LDLRAD2: variants seen among roughly 807,000 people sequenced by gnomAD.
LDLRAD2 encodes low density lipoprotein receptor class A domain containing 2.
Under a neutral mutation model 24.9 loss-of-function variants are expected in LDLRAD2, and 25 were observed. The observed-to-expected ratio is 1.00, with a 90% CI of 0.73 to 1.40. The LOEUF (loss-of-function observed/expected upper bound fraction) is 1.40, where lower values mean the gene tolerates loss of function less well. Ranked by LOEUF, LDLRAD2 falls within the 40% of genes most tolerant of loss-of-function variation. The pLI is 0.00. For synonymous variants in LDLRAD2, 182 were observed against 166.7 expected (o/e 1.09, Z -0.71); for missense variants, 391 against 366.2 (o/e 1.07, Z -0.55).
Position 21,821,613 on chromosome 1 carries a change from T to G in LDLRAD2, c.805+2T>G. 1.9e-6 allele frequency: 3 copies of G among 1,613,162 alleles called. No individual in the cohort carries two copies. Among genetic ancestry groups the G allele is most frequent in the Non-Finnish European group, 2.5e-6 (3 of 1,179,452 alleles). ...CGAGACAAGACGCAGCTTTGGAAGGTTACACCTTGCTCCTACTCTTCCCAC... is the reference window on the plus strand; with the variant it reads ...CGAGACAAGACGCAGCTTTGGAAGGGTACACCTTGCTCCTACTCTTCCCAC... On this transcript the variant is annotated splice_donor_variant, in intron 4 of 4. Coordinates refer to ENST00000344642, the MANE Select transcript of LDLRAD2 (RefSeq NM_001013693.3). LOFTEE classifies it high-confidence loss of function.
rs3736359 is a variant in LDLRAD2, at chr1:21,823,663, G to C, written c.*1448G>C. 1.1e-5 allele frequency: 17 copies of C among 1,613,648 alleles called. No individual in the cohort carries two copies. The East Asian group carries it at 3.8e-4, about 36-fold the overall frequency. ...GTTGACTGCCACGTTGGGACCTGGG[G>C]ACCGGCCGCTGACCAGCTCCTCACC... On this transcript the variant is annotated 3_prime_UTR_variant, in exon 5 of 5. Transcript: ENST00000344642.
In LDLRAD2 at chr1:21,823,553, C is replaced by T. The variant is rs924145474; in HGVS notation, c.*1338C>T. 20 of 1,609,452 alleles carry T rather than the reference C, an allele frequency of 1.2e-5. No individual in the cohort carries two copies. Among genetic ancestry groups the T allele is most frequent in the African/African-American group, 5.3e-5 (4 of 74,864 alleles). ...AGCCCAGGAGGCGAGGAAGGCTGGG[C>T]GAGCTCTAGCCCTAAGGGAGTGCCG... On this transcript the variant is annotated 3_prime_UTR_variant, in exon 5 of 5. Transcript: ENST00000344642.
chr1:21,814,371 C>G, intron 1 of LDLRAD2, 27 bp from the exon 2 acceptor site: 2 of 1,552,300 alleles, frequency 1.3e-6, no homozygotes. Context: ...CGCCGCGCGG[C>G]TCCAGTTTCC....
Position 21,823,893 on chromosome 1 carries a change from C to T in LDLRAD2, c.*1678C>T. 1 of 728,048 alleles carries T rather than the reference C, an allele frequency of 1.4e-6. No homozygotes were observed. Among genetic ancestry groups the T allele is most frequent in the South Asian group, 1.6e-5 (1 of 63,072 alleles). 45.1% of individuals were successfully genotyped at this position (728,048 alleles called of 1,614,324 possible). A position where few individuals can be genotyped will look rare whatever the true frequency, so the allele number is the denominator to read the frequency against. On this transcript the variant is annotated 3_prime_UTR_variant, in exon 5 of 5. Transcript: ENST00000344642. ...GATCGGGCCCCACAAACACAGCTTC[C>T]TCATTTCTGCACCCAGGTTTCCTCC...
At chr1:21,812,606 TC>T in intron 1 of LDLRAD2, 70 bp downstream of exon 1, 2 of 1,312,578 alleles carry the variant, frequency 1.5e-6, no homozygotes, top group Non-Finnish European at 2.2e-6. Flanking sequence ...AGACTATGTT[TC>T]CCCAGTCAGC....
chr1:21,823,358 G>A lies in LDLRAD2; in HGVS notation c.*1143G>A. 6.5e-7 allele frequency: 1 copy of A among 1,546,152 alleles called. No individual in the cohort carries two copies. The highest frequency in any genetic ancestry group is 8.7e-7 in the Non-Finnish European group (1 of 1,149,654). ...GTGTGTTGGCCCCGGCCTGGGCGCG[G>A]TGCTGCAGGTCCAGGGGCTGTGGGG... On this transcript the variant is annotated 3_prime_UTR_variant, in exon 5 of 5. Transcript: ENST00000344642.
chr1:21,817,656 A>G (rs998166174), intron 3 of LDLRAD2, among the ~76,000 whole-genome samples: 8 of 152,144 alleles, frequency 5.3e-5, no homozygotes, highest in African/African-American at 1.9e-4. Context: ...TTACAAAAAA[A>G]TTGAGAAGAT....
chr1:21,814,706 G>A lies in LDLRAD2; in HGVS notation c.394G>A (p.Gly132Ser). The change falls in exon 2 of 5, where the codon GGC becomes AGC. Residue 132 changes from glycine to serine, a missense_variant. Coordinates refer to ENST00000344642, the MANE Select transcript of LDLRAD2 (RefSeq NM_001013693.3). ...APRPLGSPLC[G>S]LNIPVPVASS... ...CCGGCCCCTGGGGTCCCCACTGTGC[G>A]GCCTGAACATCCCGGTGCCTGTGGC... is the stretch of plus-strand genomic sequence containing the variant. The A allele has an allele frequency of 5.1e-6, 8 of 1,566,106 alleles. No homozygotes were observed. The highest frequency in any genetic ancestry group is 6.9e-6 in the Non-Finnish European group (8 of 1,156,716).
In LDLRAD2 at chr1:21,814,745, T is replaced by C; in HGVS notation, c.433T>C (p.Phe145Leu). Residue 145 changes from phenylalanine to leucine, a missense_variant, in exon 2 of 5, where the codon TTT becomes CTT. Coordinates refer to ENST00000344642, the MANE Select transcript of LDLRAD2 (RefSeq NM_001013693.3). ...GGTGCCTGTGGCATCCTCCGGACCC[T>C]TTCTAGGCCTGCGCCTGGTCACGAG... Reference protein sequence around the residue: ...IPVPVASSGPFLGLRLVTRGR... With the variant: ...IPVPVASSGPLLGLRLVTRGR... The C allele has an allele frequency of 6.5e-7, 1 of 1,533,516 alleles. No individual in the cohort carries two copies. Among genetic ancestry groups the C allele is most frequent in the South Asian group, 1.2e-5 (1 of 82,650 alleles). 95.0% of individuals were successfully genotyped at this position (1,533,516 alleles called of 1,614,324 possible). A position where few individuals can be genotyped will look rare whatever the true frequency, so the allele number is the denominator to read the frequency against.
chr1:21,819,873 T>A (rs1401756432), intron 3 of LDLRAD2, among the ~76,000 whole-genome samples: 1 of 152,192 alleles, frequency 6.6e-6, no homozygotes, highest in Non-Finnish European at 1.5e-5. Flanking sequence ...TGGCATCTGC[T>A]CAGCTTCAGG....
chr1:21,820,274 G>A lies in LDLRAD2; in HGVS notation c.644-1176G>A, dbSNP rs376550259. On this transcript the variant is annotated intron_variant, in intron 3 of 4. Coordinates refer to ENST00000344642, the MANE Select transcript of LDLRAD2 (RefSeq NM_001013693.3). ...CAGCCCGCTGGGCGCGGTGGCTCAC[G>A]CCTGTAATCCCAGCACTTTGGGAGG... is the stretch of plus-strand genomic sequence containing the variant. 1.3e-4 allele frequency among the ~76,000 whole-genome samples: 19 copies of A among 151,450 alleles called. 1 individual carries two copies. The highest frequency in any genetic ancestry group is 4.6e-4 in the African/African-American group (19 of 41,236).
Position 21,814,652 on chromosome 1 carries a change from C to A in LDLRAD2, c.340C>A (p.Gln114Lys). Residue 114 changes from glutamine (Q) to lysine (K), a missense_variant, in exon 2 of 5, where the codon CAG (glutamine) becomes AAG (lysine). Coordinates refer to ENST00000344642, the MANE Select transcript of LDLRAD2 (RefSeq NM_001013693.3). ...ADPCAPGSYLQFYEGPPGAPR... is the reference protein window; with the variant it reads ...ADPCAPGSYLKFYEGPPGAPR... The stretch of plus-strand genomic sequence containing the variant: ...CCCGTGCGCCCCCGGCTCCTACCTG[C>A]AGTTCTACGAGGGCCCGCCGGGGGC... 6.2e-7 allele frequency: 1 copy of A among 1,602,754 alleles called. No individual in the cohort carries two copies. The highest frequency in any genetic ancestry group is 8.5e-7 in the Non-Finnish European group (1 of 1,175,154).
chr1:21,813,304 A>T (rs187509586), intron 1 of LDLRAD2, among the ~76,000 whole-genome samples: 3,827 of 151,684 alleles, frequency 0.025, 61 homozygotes, highest in Middle Eastern at 0.086. Flanking sequence ...AAAGAAATAA[A>T]AAAAAAAAAG....
rs1403627552 is a variant in LDLRAD2, at chr1:21,824,182, C to T, written c.*1967C>T. On this transcript the variant is annotated 3_prime_UTR_variant, in exon 5 of 5. Transcript: ENST00000344642. The surrounding 1 kb of genome is among the most constrained non-coding windows in gnomAD (Gnocchi z 5.9). ...ATGGGGTCCTCAGAGACCAGGCGGG[C>T]CTCCCCACTACCCAGCTGGTACCTG... 1.9e-6 allele frequency: 3 copies of T among 1,613,744 alleles called. No individual in the cohort carries two copies. In the South Asian group the frequency reaches 3.3e-5, roughly 18 times the overall value.
At position 21,814,774 on chromosome 1, in the gene LDLRAD2, C is replaced by A. The variant is rs753152129; in HGVS notation, c.462C>A (p.Gly154=). 1 of 1,482,038 alleles carries A rather than the reference C, an allele frequency of 6.7e-7. No homozygotes were observed. The highest frequency in any genetic ancestry group is 2.5e-5 in the East Asian group (1 of 40,530). The allele number at this position is 1,482,038 out of a possible 1,614,324, so 91.8% of individuals were successfully genotyped here. The change falls in exon 2 of 5, where the codon GGC becomes GGA. Residue 154 remains glycine, a synonymous_variant. Coordinates refer to ENST00000344642, the MANE Select transcript of LDLRAD2 (RefSeq NM_001013693.3). ...PFLGLRLVTR[G]RQPRVDFVGE... ...TAGGCCTGCGCCTGGTCACGAGAGG[C>A]CGCCAGCCCCGCGTGGACTTCGTGG... is the stretch of plus-strand genomic sequence containing the variant.
intron 3 of LDLRAD2, among the ~76,000 whole-genome samples, chr1:21,818,219 A>C (rs374333816): frequency 2.6e-4 from 38 of 144,924 alleles, no homozygotes; most frequent in East Asian, 8.6e-4. Context: ...TCCATGTTGG[A>C]CAGGCTGGTC....
intron 3 of LDLRAD2, among the ~76,000 whole-genome samples, chr1:21,819,360 C>T (rs1046544238): frequency 3.3e-5 from 5 of 151,444 alleles, no homozygotes; most frequent in African/African-American, 7.3e-5. Context: ...GCAACAAGAG[C>T]GAAACTGTCT....
At position 21,824,681 on chromosome 1, in the gene LDLRAD2, G is replaced by A. The variant is rs1441801188; in HGVS notation, c.*2466G>A. ...TCCCATCCTCCCCATTAGGCCCATG[G>A]GCCCTTCCAATGCCAGTCTCACCTC... On this transcript the variant is annotated 3_prime_UTR_variant, in exon 5 of 5. Coordinates refer to ENST00000344642, the MANE Select transcript of LDLRAD2 (RefSeq NM_001013693.3). The surrounding 1 kb of genome is among the most constrained non-coding windows in gnomAD (Gnocchi z 5.9). The A allele has an allele frequency of 6.2e-7, 1 of 1,613,248 alleles. No individual in the cohort carries two copies. The highest frequency in any genetic ancestry group is 1.7e-5 in the Admixed American group (1 of 59,930).
chr1:21,815,372 G>C (rs1257874786), intron 2 of LDLRAD2, among the ~76,000 whole-genome samples: 3 of 152,198 alleles, frequency 2.0e-5, no homozygotes, highest in Non-Finnish European at 4.4e-5. Flanking sequence ...GCTGCTCTGC[G>C]CTGGGTCAGC....
Sources: gnomAD v4.1 joint callset for allele counts (sites outside exome capture counted in the v4.1 genomes callset) on GRCh38, gnomAD v4.1.1 for gene constraint, Gnocchi (gnomAD v3.1) non-coding constraint, MANE v1.5 for transcripts, NCBI Gene and HGNC (gene_info 2026-07-23, HGNC 2026-07-21) for gene names.